The following NUP210L variants were observed in gnomAD, a reference collection of about 807,000 sequenced individuals.
The protein encoded by NUP210L is nucleoporin 210 like.
A neutral mutation model predicts 208.5 loss-of-function variants in NUP210L; 74 were observed. The observed-to-expected ratio is 0.35, with a 90% CI of 0.29 to 0.43. The LOEUF (loss-of-function observed/expected upper bound fraction) is 0.43, where lower values mean the gene tolerates loss of function less well. Among genes scored for constraint, NUP210L ranks in the 20% least tolerant of loss-of-function variants. The pLI is 1.00. For missense variants in NUP210L, 1,843 were observed against 2,289.4 expected, an observed-to-expected ratio of 0.81 and a Z score of 3.98; for synonymous variants, 780 against 816.9, an observed-to-expected ratio of 0.95 and a Z score of 0.77.
Position 154,110,569 on chromosome 1 carries a change from C to T in NUP210L, c.1621-6359G>A, listed in dbSNP as rs1014046888. Among the ~76,000 whole-genome samples the T allele has an allele frequency of 4.6e-5, 7 of 151,450 alleles. 1 individual carries two copies. The highest frequency in any genetic ancestry group is 2.1e-4 in the South Asian group (1 of 4,830). On this transcript the variant is annotated intron_variant, in intron 12 of 39. Transcript: ENST00000368559. The stretch of plus-strand genomic sequence containing the variant: ...ACAGGTGTGAGCCACCGCACCCAGC[C>T]GAAGTATCTTAAAGAACTGGAAAAG...
exon 23 of NUP210L, chr1:154,056,821 G>A (rs1557945593): frequency 6.4e-7 from 1 of 1,569,254 alleles, no homozygotes; most frequent in South Asian, 1.2e-5. Flanking sequence ...TTACTTCAAT[G>A]TGCCGAGGAG....
At chr1:154,148,802 G>A (rs898683945) in intron 2 of NUP210L, among the ~76,000 whole-genome samples, 1 of 152,120 alleles carries the variant, frequency 6.6e-6, no homozygotes, top group Non-Finnish European at 1.5e-5. Flanking sequence ...AACAAGGTAA[G>A]TTGAAATCTC....
chr1:154,145,744 G>T (rs1659083708), intron 2 of NUP210L, among the ~76,000 whole-genome samples: 1 of 152,294 alleles, frequency 6.6e-6, no homozygotes, highest in Middle Eastern at 3.4e-3. Flanking sequence ...ATATCAGTAT[G>T]AGCTCATGTT....
intron 27 of NUP210L, among the ~76,000 whole-genome samples, chr1:154,041,493 GT>G (rs2147962896): frequency 6.6e-6 from 1 of 151,990 alleles, no homozygotes; most frequent in East Asian, 1.9e-4. Context: ...ACCGCACCTG[GT>G]TAATTTTTTT....
At chr1:154,149,310 T>C (rs1458180212) in intron 2 of NUP210L, among the ~76,000 whole-genome samples, 1 of 152,162 alleles carries the variant, frequency 6.6e-6, no homozygotes, top group African/African-American at 2.4e-5. Context: ...GGTCTCGACC[T>C]CCTGACCTCA....
chr1:154,092,033 G>C (rs1250525849), intron 15 of NUP210L, among the ~76,000 whole-genome samples: 1 of 151,180 alleles, frequency 6.6e-6, no homozygotes, highest in African/African-American at 2.4e-5. Flanking sequence ...GTAGATTGGT[G>C]GTTGCCAGGG....
chr1:154,091,077 A>G lies in NUP210L; in HGVS notation c.2188-1483T>C, dbSNP rs1443603778. On this transcript the variant is annotated intron_variant, in intron 15 of 39. Transcript: ENST00000368559. ...CATTATTATTATTATTGCTGTTATT[A>G]TTATTATTATTATTATTATTATTAT... Among the ~76,000 whole-genome samples the G allele has an allele frequency of 8.0e-5, 5 of 62,756 alleles. No homozygotes were observed. In the South Asian group the frequency reaches 2.6e-3, roughly 33 times the overall value. The allele number at this position is 62,756 out of a possible 152,430, so 41.2% of individuals were successfully genotyped here.
chr1:154,010,209 T>A, intron 34 of NUP210L, 88 bp from the exon 35 acceptor site: 1 of 1,264,580 alleles, frequency 7.9e-7, no homozygotes, highest in African/African-American at 1.5e-5. Flanking sequence ...TTTTGAAGCA[T>A]AAAAAAAATA....
intron 2 of NUP210L, among the ~76,000 whole-genome samples, chr1:154,151,381 A>C: frequency 6.6e-6 from 1 of 151,950 alleles, no homozygotes; most frequent in Non-Finnish European, 1.5e-5. Flanking sequence ...TCAGCCAGGC[A>C]GCAGTCAAGA....
chr1:154,072,545 G>A (rs1273449866), intron 16 of NUP210L, among the ~76,000 whole-genome samples: 1 of 151,906 alleles, frequency 6.6e-6, no homozygotes, highest in African/African-American at 2.4e-5. Context: ...TGTTAGCCAG[G>A]ATGGTCTTGA....
At chr1:154,123,963 C>T (rs1657751103) in intron 10 of NUP210L, among the ~76,000 whole-genome samples, 4 of 151,612 alleles carry the variant, frequency 2.6e-5, no homozygotes, top group African/African-American at 9.7e-5. Context: ...GTGGGCGGAT[C>T]ACAAGGTCAG....
intron 7 of NUP210L, among the ~76,000 whole-genome samples, chr1:154,134,995 C>T (rs902040158): frequency 8.5e-5 from 13 of 152,050 alleles, no homozygotes; most frequent in African/African-American, 2.9e-4. Flanking sequence ...GCCTCGGCCT[C>T]CCAAAGTGCT....
At chr1:153,992,865 C>G in exon 40 of NUP210L, 1 of 1,613,134 alleles carries the variant, frequency 6.2e-7, no homozygotes, top group East Asian at 2.2e-5. Context: ...ACCAATGTTG[C>G]AGCCGACTTT....
intron 29 of NUP210L, among the ~76,000 whole-genome samples, chr1:154,026,688 G>GT (rs1651893067): frequency 6.6e-6 from 1 of 152,134 alleles, no homozygotes; most frequent in South Asian, 2.1e-4. Flanking sequence ...ACTAAATGTG[G>GT]TATTTCCATA....
intron 10 of NUP210L, among the ~76,000 whole-genome samples, chr1:154,121,409 A>C (rs139691831): frequency 6.6e-6 from 1 of 152,160 alleles, no homozygotes; most frequent in Non-Finnish European, 1.5e-5. Context: ...ATGGCCCCCA[A>C]AGATTTCTGA....
intron 28 of NUP210L, among the ~76,000 whole-genome samples, chr1:154,028,791 A>C (rs1178215277): frequency 1.3e-5 from 2 of 151,622 alleles, no homozygotes; most frequent in Non-Finnish European, 2.9e-5. Context: ...AATAGTTTCT[A>C]ATGTTAATAG....
intron 37 of NUP210L, among the ~76,000 whole-genome samples, chr1:153,995,434 A>C (rs1649786665): frequency 6.6e-6 from 1 of 152,148 alleles, no homozygotes; most frequent in Admixed American, 6.5e-5. Flanking sequence ...GAGAGAAGAG[A>C]GCTTCAGATG....
chr1:154,035,214 AT>A (rs1276356635), intron 27 of NUP210L, among the ~76,000 whole-genome samples: 7 of 151,508 alleles, frequency 4.6e-5, no homozygotes. Context: ...AGGTTTGTCA[AT>A]TTTGTTTATC....
At chr1:154,040,229 T>C (rs993508159) in intron 27 of NUP210L, among the ~76,000 whole-genome samples, 3 of 152,102 alleles carry the variant, frequency 2.0e-5, no homozygotes, top group African/African-American at 7.2e-5. Flanking sequence ...AAATGTATGT[T>C]GGAAATAGCT....
Sources: allele counts gnomAD v4.1 joint callset (sites outside exome capture counted in the v4.1 genomes callset), GRCh38; gene constraint gnomAD v4.1.1; transcripts MANE v1.5; gene names NCBI Gene and HGNC (gene_info 2026-07-23, HGNC 2026-07-21).